The following GALK2 variants were observed in gnomAD, a reference collection of about 807,000 sequenced individuals.
GALK2 encodes the protein N-acetylgalactosamine kinase.
GALK2 carries 36 observed loss-of-function variants against 52.4 expected under a neutral mutation model. That is an observed-to-expected ratio of 0.69 (90% confidence interval 0.53 to 0.91). The LOEUF (loss-of-function observed/expected upper bound fraction) is 0.91. GALK2 is among the 40% of genes least tolerant of loss of function. GALK2 has a pLI of 0.00. For missense variants in GALK2, 579 were observed against 559.1 expected (o/e 1.04, Z -0.36); for synonymous variants, 176 against 199.1 (o/e 0.88, Z 0.98).
chr15:49,200,713 A>G (rs2087674684), intron 1 of GALK2, among the ~76,000 whole-genome samples: 1 of 152,174 alleles, frequency 6.6e-6, no homozygotes, highest in Non-Finnish European at 1.5e-5. Context: ...TTGTGATTAT[A>G]AATCTCTGTT....
intron 8 of GALK2, among the ~76,000 whole-genome samples, chr15:49,308,089 T>G (rs1411015880): frequency 6.6e-6 from 1 of 152,212 alleles, no homozygotes; most frequent in East Asian, 1.9e-4. Flanking sequence ...CCAGCTTCAA[T>G]GAGGATTATT....
chr15:49,192,020 G>T (rs2086759697), intron 1 of GALK2, among the ~76,000 whole-genome samples: 1 of 151,786 alleles, frequency 6.6e-6, no homozygotes, highest in East Asian at 1.9e-4. Context: ...ATGCTCAATT[G>T]TTTCAGGGTC....
At chr15:49,171,575 TTTC>T (rs1465121201) in intron 1 of GALK2, among the ~76,000 whole-genome samples, 1 of 152,172 alleles carries the variant, frequency 6.6e-6, no homozygotes, top group Non-Finnish European at 1.5e-5. Context: ...AGAAGCATGA[TTTC>T]TTATTATAGA....
chr15:49,209,227 T>G (rs1304461574), intron 2 of GALK2, among the ~76,000 whole-genome samples: 8 of 152,214 alleles, frequency 5.3e-5, no homozygotes, highest in Non-Finnish European at 1.2e-4. Context: ...CTCTAAAAGC[T>G]TTTTATGGTT....
intron 1 of GALK2, among the ~76,000 whole-genome samples, chr15:49,182,114 A>C (rs2086016116): frequency 6.6e-6 from 1 of 152,038 alleles, no homozygotes; most frequent in African/African-American, 2.4e-5. Context: ...TCATTTTTGT[A>C]CCTATTAACC....
At chr15:49,232,653 C>T (rs1203557435) in intron 3 of GALK2, among the ~76,000 whole-genome samples, 6 of 152,138 alleles carry the variant, frequency 3.9e-5, no homozygotes, top group Non-Finnish European at 7.4e-5. Context: ...CGCATATGAA[C>T]ATAGGTTGTT....
At position 49,270,319 on chromosome 15, in the gene GALK2, A is replaced by G. The variant is rs551124420; in HGVS notation, c.505-11668A>G. On this transcript the variant is annotated intron_variant, in intron 5 of 9. Coordinates refer to ENST00000560031, the MANE Select transcript of GALK2 (RefSeq NM_002044.4). ...GAGGCCAAGGTGAAAGGGCAATAGT[A>G]AGTTATAGAGGTCTCATGATCAGAA... Among the ~76,000 whole-genome samples the G allele has an allele frequency of 1.9e-3, 293 of 152,362 alleles. 2 individuals are homozygous for G. The highest frequency in any genetic ancestry group is 3.0e-3 in the Non-Finnish European group (206 of 68,028).
chr15:49,252,232 C>T (rs1038530731), intron 5 of GALK2, among the ~76,000 whole-genome samples: 1 of 152,180 alleles, frequency 6.6e-6, no homozygotes, highest in African/African-American at 2.4e-5. Context: ...CACCATTGCA[C>T]TCCAGTCTGG....
chr15:49,270,665 T>C (rs1367706567), intron 5 of GALK2, among the ~76,000 whole-genome samples: 2 of 152,186 alleles, frequency 1.3e-5, no homozygotes, highest in African/African-American at 2.4e-5. Context: ...GAATTAACTA[T>C]TGTATACATA....
In GALK2 at chr15:49,328,257, A is replaced by C; in HGVS notation, c.*98A>C. 1 of 1,472,164 alleles carries C rather than the reference A, an allele frequency of 6.8e-7. No individual in the cohort carries two copies. Among genetic ancestry groups the C allele is most frequent in the Non-Finnish European group, 9.0e-7 (1 of 1,111,214 alleles). 91.2% of individuals were successfully genotyped at this position (1,472,164 alleles called of 1,614,324 possible). A position where few individuals can be genotyped will look rare whatever the true frequency, so the allele number is the denominator to read the frequency against. ...ATTAATCTTCCTTCTGTTTTGTATT[A>C]TGATGAACGGTTGCTATTATATCAA... On this transcript the variant is annotated 3_prime_UTR_variant, in exon 10 of 10. Transcript: ENST00000560031.
chr15:49,351,688 A>C (rs1268505600), intron 3 of GALK2, among the ~76,000 whole-genome samples: 1 of 152,176 alleles, frequency 6.6e-6, no homozygotes, highest in Non-Finnish European at 1.5e-5. Context: ...TTTCAAGGGA[A>C]TAAAGTAACA....
chr15:49,238,211 T>C (rs2090927736), intron 4 of GALK2, among the ~76,000 whole-genome samples: 1 of 152,222 alleles, frequency 6.6e-6, no homozygotes, highest in African/African-American at 2.4e-5. Context: ...GCAAAGACTA[T>C]GGTACTTTTT....
chr15:49,309,949 G>A lies in GALK2; in HGVS notation c.968-9655G>A, dbSNP rs557697360. On this transcript the variant is annotated intron_variant, in intron 8 of 9. Transcript: ENST00000560031. Reference sequence around the variant, plus strand: ...CATGTATAATAAATTCTTGTTAACTGTAGTCACTCTACAGTGCTATAGGAC... The same window carrying A: ...CATGTATAATAAATTCTTGTTAACTATAGTCACTCTACAGTGCTATAGGAC... 7.2e-5 allele frequency among the ~76,000 whole-genome samples: 11 copies of A among 152,210 alleles called. No individual in the cohort carries two copies. The South Asian group carries it at 8.3e-4, about 11-fold the overall frequency.
chr15:49,286,973 T>C (rs1403475564), intron 7 of GALK2, among the ~76,000 whole-genome samples: 3 of 152,176 alleles, frequency 2.0e-5, no homozygotes, highest in Admixed American at 1.3e-4. Context: ...TCAGTTCATG[T>C]TGTGACTACT....
At chr15:49,345,327 C>T (rs1305330543) in intron 3 of GALK2, among the ~76,000 whole-genome samples, 2 of 152,052 alleles carry the variant, frequency 1.3e-5, no homozygotes, top group African/African-American at 4.8e-5. Flanking sequence ...AAAATTTGGT[C>T]ATGGTTGTAC....
At chr15:49,277,353 A>G (rs1265205088) in intron 5 of GALK2, among the ~76,000 whole-genome samples, 1 of 141,010 alleles carries the variant, frequency 7.1e-6, no homozygotes, top group Admixed American at 7.0e-5. Flanking sequence ...TATTTTTAGT[A>G]GAGACGGGGT....
chr15:49,363,353 G>A (rs2044581064), intron 3 of GALK2, among the ~76,000 whole-genome samples: 1 of 152,130 alleles, frequency 6.6e-6, no homozygotes, highest in South Asian at 2.1e-4. Flanking sequence ...ATGGTTAGCT[G>A]TATTCCTAGG....
At chr15:49,156,136 A>G (rs1321946975) in intron 1 of GALK2, 1 of 1,003,086 alleles carries the variant, frequency 1.0e-6, no homozygotes, top group Non-Finnish European at 1.6e-6. Context: ...TTATATTTGT[A>G]GTTGACAAAA....
chr15:49,367,695 A>G, exon 4 of GALK2: 8 of 1,225,082 alleles, frequency 6.5e-6, no homozygotes, highest in Non-Finnish European at 8.9e-6. Context: ...TATTTAGCAT[A>G]AAGTTACCAT....
Sources: allele counts gnomAD v4.1 joint callset (sites outside exome capture counted in the v4.1 genomes callset), GRCh38; gene constraint gnomAD v4.1.1; transcripts MANE v1.5; gene names NCBI Gene and HGNC (gene_info 2026-07-23, HGNC 2026-07-21).